LPP: variants seen among roughly 807,000 people sequenced by gnomAD.
LPP encodes the protein lipoma-preferred partner.
LPP carries 38 observed loss-of-function variants against 60.4 expected under a neutral mutation model. The ratio of observed to expected loss-of-function variants is 0.63; its 90% CI spans 0.49 to 0.83. The LOEUF is 0.83. Ranked by LOEUF, LPP falls within the 40% of genes least tolerant of loss-of-function variation. The probability of loss-of-function intolerance (pLI) is 0.00; values close to 1 mark genes in which losing one functional copy is unlikely to be tolerated. For missense variants in LPP, 902 were observed against 783.6 expected, an observed-to-expected ratio of 1.15 and a Z score of -1.80; for synonymous variants, 328 against 290.8, an observed-to-expected ratio of 1.13 and a Z score of -1.30.
chr3:188,523,810 A>G lies in LPP; in HGVS notation c.307-855A>G, dbSNP rs114023866. Among the ~76,000 whole-genome samples, 376 of 152,268 alleles carry G rather than the reference A, an allele frequency of 2.5e-3. 4 individuals are homozygous for G. The highest frequency in any genetic ancestry group is 8.7e-3 in the African/African-American group (360 of 41,546). On this transcript the variant is annotated intron_variant, in intron 5 of 11. Transcript: ENST00000617246. ...ATGAAGTTTTAAGAGCTTCTTCCAT[A>G]TTCATATATGATCATTATTAAATTG...
chr3:188,364,990 T>A (rs989922790), intron 3 of LPP, among the ~76,000 whole-genome samples: 1 of 152,156 alleles, frequency 6.6e-6, no homozygotes, highest in African/African-American at 2.4e-5. Context: ...AGGCAGCAAG[T>A]GTTGGATGTC....
chr3:188,848,378 C>A (rs1761980246), intron 9 of LPP, among the ~76,000 whole-genome samples: 1 of 152,192 alleles, frequency 6.6e-6, no homozygotes, highest in Non-Finnish European at 1.5e-5. Flanking sequence ...CTCTCTGATG[C>A]AGATCCCACT....
intron 4 of LPP, among the ~76,000 whole-genome samples, chr3:188,433,048 A>C (rs368794467): frequency 6.6e-5 from 10 of 152,176 alleles, no homozygotes; most frequent in African/African-American, 2.4e-4. Flanking sequence ...TCTTGCCAAG[A>C]AGCTATTTAG....
At position 188,792,586 on chromosome 3, in the gene LPP, G is replaced by A. The variant is rs377716960; in HGVS notation, c.1410+32304G>A. Among the ~76,000 whole-genome samples, 8 of 152,220 alleles carry A rather than the reference G, an allele frequency of 5.3e-5. No individual in the cohort carries two copies. In the South Asian group the frequency reaches 1.2e-3, roughly 24 times the overall value. On this transcript the variant is annotated intron_variant, in intron 9 of 11. Coordinates refer to ENST00000617246, the MANE Select transcript of LPP (RefSeq NM_001375462.1). ...GCAGTGCAGTTCAGTGCAAACCAAC[G>A]GAAAGCCCACAGTTTTTTTGTTTTT...
intron 2 of LPP, among the ~76,000 whole-genome samples, chr3:188,253,336 G>A (rs752346515): frequency 2.0e-5 from 3 of 151,996 alleles, no homozygotes; most frequent in South Asian, 2.1e-4. Flanking sequence ...CTTAACACCC[G>A]TGTTATCTGC....
At chr3:188,267,550 C>A (rs1736017534) in intron 2 of LPP, among the ~76,000 whole-genome samples, 1 of 152,124 alleles carries the variant, frequency 6.6e-6, no homozygotes, top group Non-Finnish European at 1.5e-5. Context: ...TAGCCAGGGC[C>A]GAGTTATCTC....
intron 2 of LPP, among the ~76,000 whole-genome samples, chr3:188,261,848 T>G (rs1035041155): frequency 4.6e-5 from 7 of 152,136 alleles, no homozygotes; most frequent in Non-Finnish European, 1.0e-4. Flanking sequence ...ACCCAGGAGT[T>G]TAAGGCTGCA....
At chr3:188,512,865 G>A (rs1431403101) in intron 5 of LPP, among the ~76,000 whole-genome samples, 1 of 152,110 alleles carries the variant, frequency 6.6e-6, no homozygotes, top group East Asian at 1.9e-4. Flanking sequence ...TATTAAGCCT[G>A]TGTTACCAAA....
chr3:188,484,971 A>AT (rs560402961), intron 5 of LPP, among the ~76,000 whole-genome samples: 13 of 149,130 alleles, frequency 8.7e-5, no homozygotes, highest in Admixed American at 1.3e-4. Context: ...TCCCAAAGCC[A>AT]TTTTTTTTTT....
intron 7 of LPP, among the ~76,000 whole-genome samples, chr3:188,622,091 C>T (rs1443767254): frequency 6.6e-6 from 1 of 152,124 alleles, no homozygotes; most frequent in Non-Finnish European, 1.5e-5. Flanking sequence ...GAGCATTCTT[C>T]TAAGCAGCTA....
At position 188,796,170 on chromosome 3, in the gene LPP, C is replaced by T. The variant is rs1231967224; in HGVS notation, c.1410+35888C>T. Among the ~76,000 whole-genome samples, 4 of 152,242 alleles carry T rather than the reference C, an allele frequency of 2.6e-5. No homozygotes were observed. In the East Asian group the frequency reaches 7.7e-4, roughly 29 times the overall value. On this transcript the variant is annotated intron_variant, in intron 9 of 11. Coordinates refer to ENST00000617246, the MANE Select transcript of LPP (RefSeq NM_001375462.1). Reference sequence around the variant, plus strand: ...TTAAAACACAGGAACCTGACTTAGACAGAGATTAAGACAGGCATTCCTAAG... The same window carrying T: ...TTAAAACACAGGAACCTGACTTAGATAGAGATTAAGACAGGCATTCCTAAG...
rs1457658262 is a variant in LPP at position 188,609,415 on chromosome 3, C to G, written c.684C>G (p.Ala228=). The change falls in exon 7 of 12, where the codon GCC becomes GCG. Residue 228 remains alanine (A), a synonymous_variant. Transcript: ENST00000617246. This position sits in a 1 kb window ranked among gnomAD's most constrained non-coding sequence, Gnocchi z 6.9. ...CCTTTAATGTGCAGGTGAAGTCAGC[C>G]CAGCCCAGCCCTCATTATATGGCTG... is the stretch of plus-strand genomic sequence containing the variant. The part of the protein sequence containing the change: ...RPTFNVQVKS[A]QPSPHYMAAP... 7 of 1,614,160 alleles carry G rather than the reference C, an allele frequency of 4.3e-6. No homozygotes were observed. The South Asian group carries it at 7.7e-5, about 18-fold the overall frequency.
chr3:188,734,940 C>G (rs1045069129), intron 8 of LPP, among the ~76,000 whole-genome samples: 1 of 152,140 alleles, frequency 6.6e-6, no homozygotes, highest in South Asian at 2.1e-4. Flanking sequence ...TTCCAGAATG[C>G]CATAATCTAC....
intron 2 of LPP, among the ~76,000 whole-genome samples, chr3:188,243,547 G>A (rs980166130): frequency 6.6e-6 from 1 of 152,096 alleles, no homozygotes; most frequent in African/African-American, 2.4e-5. Context: ...CTTTCTTTAC[G>A]TTCTAAAATC....
At chr3:188,302,058 G>T (rs1040368553) in intron 2 of LPP, among the ~76,000 whole-genome samples, 1 of 151,918 alleles carries the variant, frequency 6.6e-6, no homozygotes, top group Non-Finnish European at 1.5e-5. Context: ...GTATTTTCAA[G>T]GTTTGGGGAG....
chr3:188,525,601 T>A (rs1180726310), intron 6 of LPP, among the ~76,000 whole-genome samples: 1 of 152,238 alleles, frequency 6.6e-6, no homozygotes, highest in Non-Finnish European at 1.5e-5. Context: ...ATTTTCATTA[T>A]TTTTGTCATG....
intron 2 of LPP, among the ~76,000 whole-genome samples, chr3:188,322,597 A>C (rs905086637): frequency 6.6e-6 from 1 of 152,184 alleles, no homozygotes; most frequent in Non-Finnish European, 1.5e-5. Flanking sequence ...CCTGAGTTTT[A>C]AGTAATATTT....
At chr3:188,656,180 G>A (rs1456993097) in intron 7 of LPP, among the ~76,000 whole-genome samples, 2 of 141,398 alleles carry the variant, frequency 1.4e-5, no homozygotes, top group African/African-American at 2.7e-5. Flanking sequence ...CAACAATAGC[G>A]AAACTCAGTC....
intron 1 of LPP, chr3:188,179,696 T>C: frequency 2.8e-6 from 1 of 353,454 alleles, no homozygotes; most frequent in South Asian, 2.1e-5. Flanking sequence ...GCTCCAAAAC[T>C]GTGGCCTCTG....
Sources: gnomAD v4.1 joint callset for allele counts (sites outside exome capture counted in the v4.1 genomes callset) on GRCh38, gnomAD v4.1.1 for gene constraint, Gnocchi (gnomAD v3.1) non-coding constraint, MANE v1.5 for transcripts, NCBI Gene and HGNC (gene_info 2026-07-23, HGNC 2026-07-21) for gene names.